The following CTNNA1 variants were observed in gnomAD, a reference collection of about 807,000 sequenced individuals.
CTNNA1 encodes catenin alpha 1.
Under a neutral mutation model 98.4 loss-of-function variants are expected in CTNNA1, and 37 were observed. The observed-to-expected ratio is 0.38, with a 90% CI of 0.29 to 0.49. The LOEUF (loss-of-function observed/expected upper bound fraction) is 0.49, where lower values mean the gene tolerates loss of function less well. Ranked by LOEUF, CTNNA1 falls within the 20% of genes least tolerant of loss-of-function variation. The probability of loss-of-function intolerance (pLI) is 0.95; values close to 1 mark genes in which losing one functional copy is unlikely to be tolerated. For missense variants in CTNNA1, 761 were observed against 1,147.2 expected (o/e 0.66, Z 4.86); for synonymous variants, 404 against 413.2 (o/e 0.98, Z 0.27).
At chr5:138,777,363 C>T (rs1447074350) in intron 1 of CTNNA1, among the ~76,000 whole-genome samples, 2 of 151,736 alleles carry the variant, frequency 1.3e-5, no homozygotes, top group Non-Finnish European at 2.9e-5. Context: ...AGACGCTCCT[C>T]ACTTTCCAGA....
At chr5:138,923,531 G>C (rs560983474) in intron 11 of CTNNA1, among the ~76,000 whole-genome samples, 3 of 152,014 alleles carry the variant, frequency 2.0e-5, no homozygotes, top group East Asian at 1.9e-4. Context: ...GTTTGTTTTG[G>C]CTTTTGTTTT....
chr5:138,765,891 G>T (rs1007867635), intron 1 of CTNNA1, among the ~76,000 whole-genome samples: 1 of 145,534 alleles, frequency 6.9e-6, no homozygotes, highest in South Asian at 2.2e-4. Context: ...AGAGGTTGCA[G>T]TGAGCCAAGA....
chr5:138,911,713 A>G, intron 10 of CTNNA1, among the ~76,000 whole-genome samples: 1 of 152,228 alleles, frequency 6.6e-6, no homozygotes, highest in East Asian at 1.9e-4. Context: ...CTGTAAGATA[A>G]TAGATTTGTG....
chr5:138,916,249 T>C (rs1761737657), intron 10 of CTNNA1, among the ~76,000 whole-genome samples: 1 of 151,422 alleles, frequency 6.6e-6, no homozygotes, highest in Non-Finnish European at 1.5e-5. Flanking sequence ...ATGGGGTTTC[T>C]TTTTGGAGTG....
intron 5 of CTNNA1, among the ~76,000 whole-genome samples, chr5:138,820,776 T>A (rs1759957714): frequency 6.6e-6 from 1 of 152,222 alleles, no homozygotes; most frequent in South Asian, 2.1e-4. Context: ...AGCTGCTAGT[T>A]GGCCATCTGA....
intron 3 of CTNNA1, among the ~76,000 whole-genome samples, chr5:138,797,256 C>G (rs933630332): frequency 4.6e-5 from 7 of 152,050 alleles, no homozygotes; most frequent in Non-Finnish European, 7.4e-5. Context: ...AGTATATTCA[C>G]TATAGAAAGT....
At chr5:138,756,496 G>A (rs1270925434) in intron 1 of CTNNA1, among the ~76,000 whole-genome samples, 1 of 152,126 alleles carries the variant, frequency 6.6e-6, no homozygotes, top group Non-Finnish European at 1.5e-5. Context: ...TCACTGTGGG[G>A]CATAACAGAC....
intron 10 of CTNNA1, among the ~76,000 whole-genome samples, chr5:138,908,088 C>A (rs756990309): frequency 6.6e-6 from 1 of 152,100 alleles, no homozygotes; most frequent in Non-Finnish European, 1.5e-5. Flanking sequence ...AGCAATTCTC[C>A]TGTCCCAGCC....
At chr5:138,770,189 A>G (rs996218695) in intron 1 of CTNNA1, among the ~76,000 whole-genome samples, 4 of 152,192 alleles carry the variant, frequency 2.6e-5, no homozygotes, top group Admixed American at 6.5e-5. Flanking sequence ...GTTCGGTCCA[A>G]TTGTTCTAAA....
intron 7 of CTNNA1, chr5:138,870,010 A>G (rs1445208592): frequency 6.6e-6 from 1 of 152,592 alleles, no homozygotes. Flanking sequence ...CTAGATGGGT[A>G]TGGTATCATA....
At chr5:138,856,476 G>A (rs573109112) in intron 7 of CTNNA1, among the ~76,000 whole-genome samples, 8 of 152,088 alleles carry the variant, frequency 5.3e-5, no homozygotes, top group Non-Finnish European at 1.2e-4. Context: ...CAAGTAGCTG[G>A]GACTACAGGT....
chr5:138,785,853 C>T (rs1424160265), intron 3 of CTNNA1, among the ~76,000 whole-genome samples: 3 of 152,182 alleles, frequency 2.0e-5, no homozygotes, highest in South Asian at 2.1e-4. Flanking sequence ...CTTGGCCTCC[C>T]GAAGTGCTGG....
chr5:138,868,182 G>A (rs1473073950), intron 7 of CTNNA1, among the ~76,000 whole-genome samples: 1 of 152,176 alleles, frequency 6.6e-6, no homozygotes, highest in East Asian at 1.9e-4. Flanking sequence ...AATATGGACT[G>A]ACCGTTTATG....
intron 1 of CTNNA1, among the ~76,000 whole-genome samples, chr5:138,768,945 C>T (rs1157776791): frequency 6.6e-6 from 1 of 152,080 alleles, no homozygotes. Context: ...TGACATCTAG[C>T]AGGATCCCAG....
chr5:138,860,505 G>GTTTTA (rs1764168420), intron 7 of CTNNA1, among the ~76,000 whole-genome samples: 1 of 151,816 alleles, frequency 6.6e-6, no homozygotes, highest in African/African-American at 2.4e-5. Flanking sequence ...TGTTTGTTTT[G>GTTTTA]TTTTGTTTTG....
At chr5:138,927,280 C>T (rs970467512) in intron 13 of CTNNA1, among the ~76,000 whole-genome samples, 20 of 152,342 alleles carry the variant, frequency 1.3e-4, no homozygotes, top group Middle Eastern at 6.8e-3. Context: ...TGCTGGCCTA[C>T]GAGGCCTTCT....
At chr5:138,833,848 T>C (rs910607986) in intron 7 of CTNNA1, among the ~76,000 whole-genome samples, 36 of 152,232 alleles carry the variant, frequency 2.4e-4, no homozygotes, top group Non-Finnish European at 4.4e-5. Flanking sequence ...TAAGGATACA[T>C]TTTATCTTTG....
At chr5:138,759,740 C>T (rs1356533832) in intron 1 of CTNNA1, among the ~76,000 whole-genome samples, 1 of 152,152 alleles carries the variant, frequency 6.6e-6, no homozygotes, top group Admixed American at 6.6e-5. Context: ...TGTAGGTTGT[C>T]TGCCCGTGGC....
intron 1 of CTNNA1, among the ~76,000 whole-genome samples, chr5:138,758,906 C>T (rs935632972): frequency 2.7e-5 from 4 of 150,566 alleles, no homozygotes; most frequent in Non-Finnish European, 1.5e-5. Context: ...TGGCTTTAAG[C>T]GATTCTCCTG....
Sources: gnomAD v4.1 joint callset for allele counts (sites outside exome capture counted in the v4.1 genomes callset) on GRCh38, gnomAD v4.1.1 for gene constraint, MANE v1.5 for transcripts, NCBI Gene and HGNC (gene_info 2026-07-23, HGNC 2026-07-21) for gene names.